GATA4: variants seen among roughly 807,000 people sequenced by gnomAD.
GATA4 encodes GATA binding protein 4, also known as transcription factor GATA-4.
In GATA4, 7 loss-of-function variants were observed where a neutral mutation model predicts 37.9. That is an observed-to-expected ratio of 0.18 (90% CI 0.11 to 0.35). The LOEUF is 0.35. Among genes scored for constraint, GATA4 ranks in the 10% least tolerant of loss-of-function variants. The pLI, the probability that GATA4 is intolerant of heterozygous loss-of-function variation, is 1.00. For missense variants in GATA4, 647 were observed against 653.0 expected (o/e 0.99, Z 0.10); for synonymous variants, 372 against 292.6 (o/e 1.27, Z -2.77).
intron 2 of GATA4, among the ~76,000 whole-genome samples, chr8:11,732,327 CA>C (rs1456803179): frequency 1.3e-5 from 2 of 152,180 alleles, no homozygotes; most frequent in Non-Finnish European, 2.9e-5. Flanking sequence ...AACTATTCTC[CA>C]GGGGCACTGA....
At chr8:11,711,139 T>C (rs907392032) in intron 2 of GATA4, among the ~76,000 whole-genome samples, 1 of 152,208 alleles carries the variant, frequency 6.6e-6, no homozygotes. Flanking sequence ...ACCATGTGAA[T>C]GCACACAGTA....
upstream of GATA4, among the ~76,000 whole-genome samples, chr8:11,702,609 C>A (rs1449565205): frequency 6.6e-6 from 1 of 150,700 alleles, no homozygotes; most frequent in Admixed American, 6.6e-5. The surrounding 1 kb of genome is among the most constrained non-coding windows in gnomAD (Gnocchi z 4.4). Flanking sequence ...ATCCCCAGCA[C>A]CCCTTCAGCC....
intron 2 of GATA4, among the ~76,000 whole-genome samples, chr8:11,740,358 A>G (rs1294205428): frequency 2.0e-5 from 3 of 152,188 alleles, no homozygotes; most frequent in African/African-American, 7.2e-5. Flanking sequence ...AATAATTAGT[A>G]ATATGCCCCC....
At chr8:11,712,275 G>C (rs1480447535) in intron 2 of GATA4, among the ~76,000 whole-genome samples, 2 of 152,234 alleles carry the variant, frequency 1.3e-5, no homozygotes, top group African/African-American at 2.4e-5. Flanking sequence ...ACCTGGGACA[G>C]TCCCCAGTGA....
intron 2 of GATA4, among the ~76,000 whole-genome samples, chr8:11,724,786 C>T (rs1257315348): frequency 1.3e-5 from 2 of 152,138 alleles, no homozygotes; most frequent in Non-Finnish European, 2.9e-5. Context: ...AGAGAGGAGG[C>T]GATCAGAGGC....
At chr8:11,732,753 C>T (rs1164687811) in intron 2 of GATA4, among the ~76,000 whole-genome samples, 13 of 152,146 alleles carry the variant, frequency 8.5e-5, no homozygotes, top group Non-Finnish European at 1.5e-5. Flanking sequence ...TCTCCCTTTC[C>T]TCCCCGAAGA....
At chr8:11,746,848 G>A (rs1264076020) in intron 2 of GATA4, among the ~76,000 whole-genome samples, 1 of 152,220 alleles carries the variant, frequency 6.6e-6, no homozygotes, top group Non-Finnish European at 1.5e-5. Flanking sequence ...CCTGTGCTCC[G>A]CTCCCTGGCC....
At chr8:11,684,280 T>G (rs972636936) in intron 1 of GATA4, among the ~76,000 whole-genome samples, 9 of 152,218 alleles carry the variant, frequency 5.9e-5, no homozygotes, top group Admixed American at 2.0e-4. Flanking sequence ...AGAGCCTAGA[T>G]TCTAGATTCT....
intron 1 of GATA4, among the ~76,000 whole-genome samples, chr8:11,682,168 A>G (rs1198490376): frequency 3.9e-5 from 6 of 152,228 alleles, no homozygotes; most frequent in Admixed American, 3.9e-4. Context: ...GGTGTCTGAC[A>G]AGATTGATTC....
chr8:11,726,813 C>T lies in GATA4; in HGVS notation c.616+17885C>T, dbSNP rs1292245200. ...ATGCTCTGCTGGGCCCTGATGGTGCCCTCCTGGCTTCCAAAGGCCCCCTGC... is the reference window on the plus strand; with the variant it reads ...ATGCTCTGCTGGGCCCTGATGGTGCTCTCCTGGCTTCCAAAGGCCCCCTGC... On this transcript the variant is annotated intron_variant, in intron 2 of 6. Transcript: ENST00000532059. 2.6e-5 allele frequency among the ~76,000 whole-genome samples: 4 copies of T among 152,184 alleles called. No individual in the cohort carries two copies. In the East Asian group the frequency reaches 7.7e-4, roughly 29 times the overall value.
At position 11,693,562 on chromosome 8, in the gene GATA4, C is replaced by CAGAGAGAGAG. The variant is rs139631153; in HGVS notation, c.-729+926_-729+935dup. 3.3e-4 allele frequency among the ~76,000 whole-genome samples: 24 copies of CAGAGAGAGAG among 72,228 alleles called. 1 individual carries two copies. Among genetic ancestry groups the CAGAGAGAGAG allele is most frequent in the Middle Eastern group, 7.1e-3 (1 of 140 alleles). The allele number at this position is 72,228 out of a possible 152,430, so 47.4% of individuals were successfully genotyped here. On this transcript the variant is annotated intron_variant, in intron 1 of 2. Coordinates refer to the GATA4 transcript ENST00000526974. ...ACACACACACACACACACACACACA[C>CAGAGAGAGAG]AGAGAGAGAGAGAGAGAGAGAGAGA... is the stretch of plus-strand genomic sequence containing the variant.
In GATA4 at chr8:11,708,068, C is replaced by T. The variant is rs749410936; in HGVS notation, c.-245C>T. 241 of 587,442 alleles carry T rather than the reference C, an allele frequency of 4.1e-4. No individual in the cohort carries two copies. Among genetic ancestry groups the T allele is most frequent in the Non-Finnish European group, 6.6e-4 (215 of 323,724 alleles). The allele number at this position is 587,442 out of a possible 1,614,324, so 36.4% of individuals were successfully genotyped here. On this transcript the variant is annotated 5_prime_UTR_variant, in exon 2 of 7. Transcript: ENST00000532059. This position sits in a 1 kb window ranked among gnomAD's most constrained non-coding sequence, Gnocchi z 6.7. The stretch of plus-strand genomic sequence containing the variant: ...AATTCAGCTGCTCCTACATCAGCTT[C>T]CGGAACCACCAAAAATTCAAATTGG...
intron 2 of GATA4, among the ~76,000 whole-genome samples, chr8:11,742,914 C>G (rs996728070): frequency 2.0e-5 from 3 of 152,240 alleles, no homozygotes; most frequent in African/African-American, 7.2e-5. Flanking sequence ...GCTCTGAAGC[C>G]CCTTTGGTTC....
upstream of GATA4, among the ~76,000 whole-genome samples, chr8:11,703,188 A>AG (rs1482817622): frequency 6.6e-6 from 1 of 152,198 alleles, no homozygotes; most frequent in African/African-American, 2.4e-5. Context: ...AAAAAAAAAA[A>AG]AAAGTTTAAC....
At chr8:11,702,426 T>C (rs1190107629), upstream of GATA4, among the ~76,000 whole-genome samples, 4 of 151,806 alleles carry the variant, frequency 2.6e-5, no homozygotes, top group Admixed American at 6.6e-5. The surrounding 1 kb of genome is among the most constrained non-coding windows in gnomAD (Gnocchi z 4.4). Flanking sequence ...AGGAAGGCCT[T>C]GCAGGTCCCT....
chr8:11,755,383 C>T (rs1802505284), intron 5 of GATA4, among the ~76,000 whole-genome samples: 1 of 152,208 alleles, frequency 6.6e-6, no homozygotes, highest in Non-Finnish European at 1.5e-5. Context: ...CTGCAAAGAC[C>T]CAGTGCTCAG....
In GATA4 at chr8:11,709,387, G is replaced by A. The variant is rs911788433; in HGVS notation, c.616+459G>A. ...ACTGATTACAATGGTTTGGACCGCA[G>A]ACCTTCTGGGCCATTTGGCGGCCCA... On this transcript the variant is annotated intron_variant, in intron 2 of 6. Coordinates refer to ENST00000532059, the MANE Select transcript of GATA4 (RefSeq NM_001308093.3). This position sits in a 1 kb window ranked among gnomAD's most constrained non-coding sequence, Gnocchi z 4.3. 1.4e-4 allele frequency among the ~76,000 whole-genome samples: 22 copies of A among 152,236 alleles called. No homozygotes were observed. The highest frequency in any genetic ancestry group is 5.3e-4 in the African/African-American group (22 of 41,466).
At chr8:11,683,115 G>C (rs1799027336) in intron 1 of GATA4, 1 of 985,394 alleles carries the variant, frequency 1.0e-6, no homozygotes, top group Non-Finnish European at 1.2e-6. Flanking sequence ...GAAAGCTCTT[G>C]GTGTGGTGGC....
intron 4 of GATA4, among the ~76,000 whole-genome samples, chr8:11,752,266 C>A (rs988942563): frequency 6.6e-6 from 1 of 152,118 alleles, no homozygotes; most frequent in African/African-American, 2.4e-5. Flanking sequence ...CACACACACA[C>A]AAATATACAC....
Sources: gnomAD v4.1 joint callset for allele counts (sites outside exome capture counted in the v4.1 genomes callset) on GRCh38, gnomAD v4.1.1 for gene constraint, Gnocchi (gnomAD v3.1) non-coding constraint, MANE v1.5 for transcripts, NCBI Gene and HGNC (gene_info 2026-07-23, HGNC 2026-07-21) for gene names.